The following PDCD11 variants were observed in gnomAD, a reference collection of about 807,000 sequenced individuals.
PDCD11 encodes protein RRP5 homolog.
In PDCD11, 97 loss-of-function variants were observed where a neutral mutation model predicts 198.9. The ratio of observed to expected loss-of-function variants is 0.49; its 90% CI spans 0.41 to 0.58. The LOEUF (loss-of-function observed/expected upper bound fraction) is 0.58, where lower values mean the gene tolerates loss of function less well. Among genes scored for constraint, PDCD11 ranks in the 20% least tolerant of loss-of-function variants. PDCD11 has a pLI of 0.00. For synonymous variants in PDCD11, 893 were observed against 918.0 expected (o/e 0.97, Z 0.49); for missense variants, 2,102 against 2,312.7 (o/e 0.91, Z 1.87).
chr10:103,406,336 C>A (rs2133682152), intron 6 of PDCD11, among the ~76,000 whole-genome samples: 1 of 152,272 alleles, frequency 6.6e-6, no homozygotes. Context: ...GTTTTTCTAA[C>A]CTGGAAGATT....
intron 21 of PDCD11, among the ~76,000 whole-genome samples, chr10:103,429,999 T>TC (rs2031861388): frequency 6.6e-6 from 1 of 152,174 alleles, no homozygotes; most frequent in Non-Finnish European, 1.5e-5. Flanking sequence ...TTTTCTTTTT[T>TC]CTTTTTTTAG....
intron 5 of PDCD11, 115 bp downstream of exon 5, chr10:103,405,298 T>C: frequency 1.0e-6 from 1 of 1,003,280 alleles, no homozygotes; most frequent in Non-Finnish European, 1.5e-6. Context: ...TAGGAGTGGT[T>C]CTTTTTCTGG....
intron 8 of PDCD11, among the ~76,000 whole-genome samples, chr10:103,411,522 C>T (rs755283689): frequency 1.6e-4 from 25 of 151,884 alleles, no homozygotes; most frequent in Admixed American, 9.2e-4. Flanking sequence ...CATGCCACCA[C>T]GCCCAGCTAA....
intron 1 of PDCD11, among the ~76,000 whole-genome samples, chr10:103,398,057 A>G (rs2093446584): frequency 6.6e-6 from 1 of 152,196 alleles, no homozygotes; most frequent in African/African-American, 2.4e-5. Flanking sequence ...AGTTACTTGC[A>G]TAATTGTTTT....
chr10:103,402,631 G>C (rs1281782459), intron 3 of PDCD11, among the ~76,000 whole-genome samples: 2 of 152,024 alleles, frequency 1.3e-5, no homozygotes, highest in Non-Finnish European at 2.9e-5. Flanking sequence ...TAGAGACGGG[G>C]TTTTGCCGTG....
rs982584820 is a variant in PDCD11, at chr10:103,443,824, A to G, written c.5125-91A>G. 2.2e-5 allele frequency: 29 copies of G among 1,317,966 alleles called. 1 individual carries two copies. The Admixed American group carries it at 5.3e-4, about 24-fold the overall frequency. The allele number at this position is 1,317,966 out of a possible 1,614,324, so 81.6% of individuals were successfully genotyped here. A position where few individuals can be genotyped will look rare whatever the true frequency, so the allele number is the denominator to read the frequency against. On this transcript the variant is annotated intron_variant, in intron 33 of 35. Transcript: ENST00000369797. The stretch of plus-strand genomic sequence containing the variant: ...AGAGTGATTTGGTGTCTGGGAGCCC[A>G]GGTCTAGCTTCTTGTGAGTGTTGCT...
intron 15 of PDCD11, 119 bp downstream of exon 15, chr10:103,418,753 C>T: frequency 2.5e-6 from 2 of 799,522 alleles, no homozygotes; most frequent in Non-Finnish European, 2.0e-6. Flanking sequence ...CAAAACCAAA[C>T]CAGTGATGAA....
chr10:103,433,827 G>C, intron 22 of PDCD11, 121 bp from the exon 23 acceptor site: 1 of 727,420 alleles, frequency 1.4e-6, no homozygotes, highest in Non-Finnish European at 2.4e-6. Context: ...TGGAAGGGTG[G>C]ATTCCTGTCT....
chr10:103,397,464 C>T (rs1455757904), intron 1 of PDCD11, among the ~76,000 whole-genome samples: 1 of 152,212 alleles, frequency 6.6e-6, no homozygotes. Flanking sequence ...GAGACAGAGT[C>T]TCACTTTGTC....
intron 4 of PDCD11, among the ~76,000 whole-genome samples, chr10:103,404,269 G>A (rs994925916): frequency 6.7e-6 from 1 of 150,294 alleles, no homozygotes; most frequent in African/African-American, 2.5e-5. Context: ...GATTATAGGT[G>A]TGAGCCATCA....
chr10:103,423,433 G>A, intron 18 of PDCD11, 110 bp from the exon 19 acceptor site: 2 of 817,104 alleles, frequency 2.4e-6, no homozygotes, highest in Non-Finnish European at 4.1e-6. Context: ...CCCAGGACAT[G>A]TGTCCTCTTT....
chr10:103,417,449 A>C (rs2133703549), intron 13 of PDCD11, among the ~76,000 whole-genome samples: 1 of 152,382 alleles, frequency 6.6e-6, no homozygotes, highest in East Asian at 1.9e-4. Flanking sequence ...CTGGAATTAC[A>C]GGCCTGAGCC....
chr10:103,417,271 A>G (rs1350018747), intron 13 of PDCD11, among the ~76,000 whole-genome samples: 1 of 151,962 alleles, frequency 6.6e-6, no homozygotes, highest in Non-Finnish European at 1.5e-5. Context: ...TCCCAGGCTC[A>G]AGTGATTCTC....
At chr10:103,439,663 C>A in intron 27 of PDCD11, 83 bp from the exon 28 acceptor site, 1 of 1,513,680 alleles carries the variant, frequency 6.6e-7, no homozygotes, top group Non-Finnish European at 9.2e-7. Context: ...AACTTGAGTC[C>A]CTGTGAGAGT....
Position 103,445,305 on chromosome 10 carries a change from G to A in PDCD11, c.5445-73G>A, listed in dbSNP as rs948611028. The A allele has an allele frequency of 2.8e-6, 4 of 1,431,314 alleles. No individual in the cohort carries two copies. In the African/African-American group the frequency reaches 5.6e-5, roughly 20 times the overall value. 88.7% of individuals were successfully genotyped at this position (1,431,314 alleles called of 1,614,324 possible). The stretch of plus-strand genomic sequence containing the variant: ...GTCCTGGTTCCAGGGCTGAGAGCAA[G>A]TGGGTGAGTGCTAGGCAGGAAGCAC... On this transcript the variant is annotated intron_variant, in intron 35 of 35. Coordinates refer to ENST00000369797, the MANE Select transcript of PDCD11 (RefSeq NM_014976.2).
In PDCD11 at chr10:103,425,362, C is replaced by A; in HGVS notation, c.3142C>A (p.Pro1048Thr). The A allele has an allele frequency of 6.2e-7, 1 of 1,614,170 alleles. No homozygotes were observed. The highest frequency in any genetic ancestry group is 1.6e-4 in the Middle Eastern group (1 of 6,062). ...CACAGGGACTGTCAAGTCCATTAAGCCTACCCATGTGGTTGTGACTCTGGA... is the reference window on the plus strand; with the variant it reads ...CACAGGGACTGTCAAGTCCATTAAGACTACCCATGTGGTTGTGACTCTGGA... ...MVTGTVKSIK[P>T]THVVVTLEDG... The change falls in exon 20 of 36, where the codon CCT (proline) becomes ACT (threonine). Residue 1048 changes from proline to threonine, a missense_variant. Transcript: ENST00000369797.
rs530027538 is a variant in PDCD11 at position 103,399,022 on chromosome 10, C to T, written c.102+494C>T. Among the ~76,000 whole-genome samples the T allele has an allele frequency of 2.0e-5, 3 of 152,014 alleles. No individual in the cohort carries two copies. In the East Asian group the frequency reaches 5.8e-4, roughly 29 times the overall value. On this transcript the variant is annotated intron_variant, in intron 2 of 35. Transcript: ENST00000369797. ...GAGTGAGACTCTGTCTCAAAAAACA[C>T]ACAAACAAAATAAATAAAGTGCTGT... is the stretch of plus-strand genomic sequence containing the variant.
chr10:103,432,249 C>CGAGTGGCAAA lies in PDCD11; in HGVS notation c.3474+15_3474+16insGAGTGGCAAA. 3 of 1,539,766 alleles carry CGAGTGGCAAA rather than the reference C, an allele frequency of 1.9e-6. No homozygotes were observed. The highest frequency in any genetic ancestry group is 2.7e-6 in the Non-Finnish European group (3 of 1,112,204). ...TCTTAAAGAAAGTAAGTAGTTTTGC[C>CGAGTGGCAAA]ACTCGGCAATGAGATGTCATTCTTC... On this transcript the variant is annotated intron_variant, in intron 22 of 35. Coordinates refer to ENST00000369797, the MANE Select transcript of PDCD11 (RefSeq NM_014976.2).
Position 103,419,601 on chromosome 10 carries a change from TCAGAAA to T in PDCD11, c.2171_2176del (p.Ser724_Ile726delinsPhe), listed in dbSNP as rs1217922292. 2 of 1,614,004 alleles carry T rather than the reference TCAGAAA, an allele frequency of 1.2e-6. No individual in the cohort carries two copies. The highest frequency in any genetic ancestry group is 1.7e-6 in the Non-Finnish European group (2 of 1,180,028). On this transcript the variant is annotated inframe_deletion, in exon 16 of 36. Coordinates refer to ENST00000369797, the MANE Select transcript of PDCD11 (RefSeq NM_014976.2). ...AGGTGGCCAGGATCCCAAGAACTTCTCAGAAATCCATCCTGGAATGCTGCTCATTGG... is the reference window on the plus strand; with the variant it reads ...AGGTGGCCAGGATCCCAAGAACTTCTTCCATCCTGGAATGCTGCTCATTGG...
Sources: allele counts gnomAD v4.1 joint callset (sites outside exome capture counted in the v4.1 genomes callset), GRCh38; gene constraint gnomAD v4.1.1; transcripts MANE v1.5; gene names NCBI Gene and HGNC (gene_info 2026-07-23, HGNC 2026-07-21).